Variants in EXT2 observed in about 807,000 individuals in gnomAD.
EXT2 encodes the protein exostosin glycosyltransferase 2, also known as exostosin-2.
Under a neutral mutation model 81.6 loss-of-function variants are expected in EXT2, and 53 were observed. The ratio of observed to expected loss-of-function variants is 0.65; its 90% CI spans 0.52 to 0.82. EXT2 has a LOEUF of 0.82. Ranked by LOEUF, EXT2 falls within the 40% of genes least tolerant of loss-of-function variation. The pLI is 0.00. For missense variants in EXT2, 774 were observed against 910.2 expected (o/e 0.85, Z 1.93); for synonymous variants, 320 against 340.0 (o/e 0.94, Z 0.65).
At chr11:44,163,797 A>G (rs1954957798) in intron 7 of EXT2, among the ~76,000 whole-genome samples, 1 of 152,044 alleles carries the variant, frequency 6.6e-6, no homozygotes, top group Non-Finnish European at 1.5e-5. Context: ...TGTTTCTTAA[A>G]CTTCTTGAGG....
chr11:44,234,345 A>C (rs1476735925), intron 12 of EXT2, 102 bp downstream of exon 12: 3 of 1,189,268 alleles, frequency 2.5e-6, no homozygotes, highest in Admixed American at 4.0e-5. Context: ...AGGACTAGAT[A>C]AACTTTAAGC....
At chr11:44,153,949 T>C (rs1310972739) in intron 7 of EXT2, among the ~76,000 whole-genome samples, 1 of 151,898 alleles carries the variant, frequency 6.6e-6, no homozygotes, top group Non-Finnish European at 1.5e-5. Context: ...TTTTTGCTTC[T>C]ATTTTCATGA....
intron 4 of EXT2, among the ~76,000 whole-genome samples, chr11:44,118,351 C>T (rs1021595101): frequency 1.3e-5 from 2 of 151,982 alleles, no homozygotes; most frequent in Admixed American, 1.3e-4. Flanking sequence ...ATTGTGACAT[C>T]ATTTATCTTC....
chr11:44,136,655 C>T (rs971109300), intron 7 of EXT2, among the ~76,000 whole-genome samples: 12 of 152,240 alleles, frequency 7.9e-5, no homozygotes, highest in Admixed American at 5.2e-4. Context: ...CACCCTGCAC[C>T]GCCACTGTGA....
At chr11:44,219,220 G>T (rs1955755310) in intron 10 of EXT2, among the ~76,000 whole-genome samples, 1 of 152,158 alleles carries the variant, frequency 6.6e-6, no homozygotes, top group African/African-American at 2.4e-5. Flanking sequence ...ACTAGCAGAT[G>T]ACTGAGCACA....
At chr11:44,212,822 A>G (rs776526243) in intron 10 of EXT2, among the ~76,000 whole-genome samples, 6 of 152,208 alleles carry the variant, frequency 3.9e-5, no homozygotes, top group Non-Finnish European at 5.9e-5. Flanking sequence ...AGTCAGATGT[A>G]GGAGGCTACT....
At chr11:44,134,922 T>TTTA (rs1954544095) in intron 7 of EXT2, among the ~76,000 whole-genome samples, 1 of 152,214 alleles carries the variant, frequency 6.6e-6, no homozygotes, top group South Asian at 2.1e-4. Flanking sequence ...CTCTCTAGCC[T>TTTA]TTAACACTTG....
At chr11:44,195,950 A>C (rs1012842785) in intron 8 of EXT2, among the ~76,000 whole-genome samples, 1 of 152,228 alleles carries the variant, frequency 6.6e-6, no homozygotes, top group African/African-American at 2.4e-5. Context: ...TAATATACCA[A>C]AACCATTATA....
chr11:44,111,773 C>T (rs565836233), intron 3 of EXT2, among the ~76,000 whole-genome samples: 20 of 152,294 alleles, frequency 1.3e-4, no homozygotes, highest in South Asian at 1.2e-3. Context: ...CCTCCACCTC[C>T]GCTAGATTAT....
chr11:44,202,597 T>A (rs1955534566), intron 9 of EXT2, among the ~76,000 whole-genome samples: 1 of 152,198 alleles, frequency 6.6e-6, no homozygotes, highest in South Asian at 2.1e-4. Flanking sequence ...ATCTCAACTG[T>A]ACCACTTTGA....
chr11:44,189,760 A>G (rs1955367267), intron 8 of EXT2, among the ~76,000 whole-genome samples: 2 of 152,206 alleles, frequency 1.3e-5, no homozygotes, highest in South Asian at 4.1e-4. Flanking sequence ...ATCAGTTATT[A>G]TTTGAGAGTG....
At chr11:44,194,720 G>A (rs1685448588) in intron 8 of EXT2, among the ~76,000 whole-genome samples, 1 of 152,064 alleles carries the variant, frequency 6.6e-6, no homozygotes, top group African/African-American at 2.4e-5. Flanking sequence ...ACAGTATTTT[G>A]CACTTAGTAA....
intron 1 of EXT2, among the ~76,000 whole-genome samples, chr11:44,097,804 A>C (rs796102262): frequency 1.3e-4 from 19 of 151,718 alleles, no homozygotes; most frequent in African/African-American, 4.3e-4. Context: ...AAATAAAATA[A>C]AAATAAAAAG....
At chr11:44,218,800 T>TC (rs1955749659) in intron 10 of EXT2, among the ~76,000 whole-genome samples, 1 of 138,436 alleles carries the variant, frequency 7.2e-6, no homozygotes, top group South Asian at 2.6e-4. Context: ...ATTCTTTTTT[T>TC]TTTTTTTTTT....
chr11:44,120,448 T>C (rs1253201322), intron 4 of EXT2, among the ~76,000 whole-genome samples: 1 of 152,196 alleles, frequency 6.6e-6, no homozygotes. Context: ...AGTCTGGTCA[T>C]GCACTTGTGG....
Position 44,250,467 on chromosome 11 carries a change from G to A in EXT2, c.*6180G>A, listed in dbSNP as rs749293005. Among the ~76,000 whole-genome samples, 3 of 152,174 alleles carry A rather than the reference G, an allele frequency of 2.0e-5. No individual in the cohort carries two copies. Among genetic ancestry groups the A allele is most frequent in the Non-Finnish European group, 4.4e-5 (3 of 68,042 alleles). ...CTTTTATTAACCAGATCGTTTACCA[G>A]ATTGTACCTGGTGATGCTGGCAGCC... On this transcript the variant is annotated 3_prime_UTR_variant, in exon 14 of 14. Coordinates refer to ENST00000533608, the MANE Select transcript of EXT2 (RefSeq NM_207122.2).
chr11:44,206,713 C>G, intron 9 of EXT2, 80 bp from the exon 10 acceptor site: 1 of 1,469,708 alleles, frequency 6.8e-7, no homozygotes, highest in Non-Finnish European at 9.5e-7. Context: ...TCTCCCATCT[C>G]ATTTGTGATG....
chr11:44,185,309 T>G (rs981010757), intron 8 of EXT2, among the ~76,000 whole-genome samples: 1 of 152,246 alleles, frequency 6.6e-6, no homozygotes, highest in African/African-American at 2.4e-5. Flanking sequence ...CAGTTTTTTC[T>G]TCATTTTTGG....
chr11:44,142,141 C>T (rs1954654617), intron 7 of EXT2, among the ~76,000 whole-genome samples: 1 of 152,178 alleles, frequency 6.6e-6, no homozygotes, highest in Non-Finnish European at 1.5e-5. Flanking sequence ...CATAGGATTT[C>T]TGTCTCTATT....
Sources: allele counts gnomAD v4.1 joint callset (sites outside exome capture counted in the v4.1 genomes callset), GRCh38; gene constraint gnomAD v4.1.1; transcripts MANE v1.5; gene names NCBI Gene and HGNC (gene_info 2026-07-23, HGNC 2026-07-21).